The following GRM3 variants were observed in gnomAD, a reference collection of about 807,000 sequenced individuals.
GRM3 encodes metabotropic glutamate receptor 3.
In GRM3, 26 loss-of-function variants were observed where a neutral mutation model predicts 70.5. The ratio of observed to expected loss-of-function variants is 0.37; its 90% CI spans 0.27 to 0.51. The LOEUF is 0.51. Among genes scored for constraint, GRM3 ranks in the 20% least tolerant of loss-of-function variants. The probability of loss-of-function intolerance (pLI) is 0.93; values close to 1 mark genes in which losing one functional copy is unlikely to be tolerated. For synonymous variants in GRM3, 443 were observed against 434.9 expected, an observed-to-expected ratio of 1.02 and a Z score of -0.23; for missense variants, 859 against 1,123.8, an observed-to-expected ratio of 0.76 and a Z score of 3.37.
At chr7:86,756,118 C>A (rs762627305) in intron 1 of GRM3, among the ~76,000 whole-genome samples, 19 of 151,938 alleles carry the variant, frequency 1.3e-4, no homozygotes, top group Non-Finnish European at 1.9e-4. Context: ...ACTTCTGTGC[C>A]CCCAGACTGG....
intron 5 of GRM3, among the ~76,000 whole-genome samples, chr7:86,855,892 C>T (rs551539027): frequency 7.5e-4 from 114 of 152,284 alleles, no homozygotes; most frequent in Non-Finnish European, 1.2e-3. Flanking sequence ...AAAACAGCAT[C>T]ATGTGCCTGT....
At position 86,786,482 on chromosome 7, in the gene GRM3, C is replaced by T. The variant is rs1797249064; in HGVS notation, c.690C>T (p.Phe230=). ...ACGGGGAGACAGGGATCGAGGCCTTCGAGCAGGAAGCCCGCCTGCGCAACA... is the reference window on the plus strand; with the variant it reads ...ACGGGGAGACAGGGATCGAGGCCTTTGAGCAGGAAGCCCGCCTGCGCAACA... ...GDYGETGIEA[F]EQEARLRNIC... is the part of the protein sequence containing the mutation. Residue 230 remains phenylalanine, a synonymous_variant, in exon 3 of 6, where the codon TTC becomes TTT. Coordinates refer to ENST00000361669, the MANE Select transcript of GRM3 (RefSeq NM_000840.3). The surrounding 1 kb of genome is among the most constrained non-coding windows in gnomAD (Gnocchi z 6.0). 6.2e-7 allele frequency: 1 copy of T among 1,614,238 alleles called. No homozygotes were observed. The highest frequency in any genetic ancestry group is 8.5e-7 in the Non-Finnish European group (1 of 1,180,050).
At chr7:86,852,935 T>C (rs555284253) in intron 5 of GRM3, among the ~76,000 whole-genome samples, 1 of 152,270 alleles carries the variant, frequency 6.6e-6, no homozygotes, top group African/African-American at 2.4e-5. Context: ...TTTCCTGACT[T>C]TCAATTAAAA....
At chr7:86,697,575 T>A (rs563018461) in intron 1 of GRM3, among the ~76,000 whole-genome samples, 1 of 152,258 alleles carries the variant, frequency 6.6e-6, no homozygotes, top group East Asian at 1.9e-4. Context: ...TTCCTAAAAG[T>A]GTAAGTTTAG....
intron 2 of GRM3, among the ~76,000 whole-genome samples, chr7:86,772,769 A>G (rs981683556): frequency 6.6e-6 from 1 of 152,156 alleles, no homozygotes; most frequent in African/African-American, 2.4e-5. Context: ...TCACTACTCT[A>G]TCACCAGTAT....
At chr7:86,702,724 T>C (rs1794970796) in intron 1 of GRM3, among the ~76,000 whole-genome samples, 1 of 151,970 alleles carries the variant, frequency 6.6e-6, no homozygotes, top group South Asian at 2.1e-4. Flanking sequence ...TTTCTTTTTG[T>C]TGTTTATAAC....
chr7:86,760,416 G>A (rs1424811244), intron 1 of GRM3, among the ~76,000 whole-genome samples: 3 of 152,064 alleles, frequency 2.0e-5, no homozygotes, highest in Non-Finnish European at 4.4e-5. Context: ...TACAGTTGAC[G>A]CATCACTCAT....
At chr7:86,781,532 C>T (rs1177691178) in intron 2 of GRM3, among the ~76,000 whole-genome samples, 1 of 152,114 alleles carries the variant, frequency 6.6e-6, no homozygotes, top group Non-Finnish European at 1.5e-5. Context: ...TATAATATCA[C>T]CTTGTTTCCT....
At chr7:86,827,822 G>T (rs1798269082) in intron 3 of GRM3, among the ~76,000 whole-genome samples, 1 of 152,028 alleles carries the variant, frequency 6.6e-6, no homozygotes, top group Admixed American at 6.5e-5. Flanking sequence ...TTAAAAGAGA[G>T]AAAAATCCAG....
At chr7:86,775,039 T>C (rs558849460) in intron 2 of GRM3, 12 of 152,218 alleles carry the variant, frequency 7.9e-5, no homozygotes, top group African/African-American at 2.9e-4. Flanking sequence ...TAAAATTAAA[T>C]TAAAAAGTAA....
chr7:86,653,822 T>C (rs942739354), intron 1 of GRM3, among the ~76,000 whole-genome samples: 3 of 152,136 alleles, frequency 2.0e-5, no homozygotes, highest in Non-Finnish European at 4.4e-5. Flanking sequence ...ATTAGAAAGA[T>C]AAGTTACTAG....
At position 86,839,812 on chromosome 7, in the gene GRM3, C is replaced by T. The variant is rs61996297; in HGVS notation, c.2298C>T (p.Asn766=). ...FKTRKCPENF[N]EAKFIGFTMY... ...CGCGGAAGTGCCCAGAAAATTTCAA[C>T]GAAGCTAAGTTCATAGGTTTTACCA... The change falls in exon 4 of 6, where the codon AAC becomes AAT. Residue 766 remains asparagine (N), a synonymous_variant. Transcript: ENST00000361669. The surrounding 1 kb of genome is among the most constrained non-coding windows in gnomAD (Gnocchi z 4.5). The T allele has an allele frequency of 6.6e-5, 107 of 1,614,012 alleles. No individual in the cohort carries two copies. In the African/African-American group the frequency reaches 9.7e-4, roughly 15 times the overall value.
chr7:86,709,731 A>C (rs552320444), intron 1 of GRM3, among the ~76,000 whole-genome samples: 74 of 152,222 alleles, frequency 4.9e-4, no homozygotes, highest in Middle Eastern at 6.8e-3. Context: ...AAAGTTCTAT[A>C]AATTGTACAG....
At chr7:86,815,905 G>A (rs1159072795) in intron 3 of GRM3, among the ~76,000 whole-genome samples, 2 of 152,054 alleles carry the variant, frequency 1.3e-5, no homozygotes. Context: ...ATGATTCAGT[G>A]TAGTAGAAAG....
At chr7:86,714,532 A>C (rs921247258) in intron 1 of GRM3, among the ~76,000 whole-genome samples, 1 of 152,038 alleles carries the variant, frequency 6.6e-6, no homozygotes, top group African/African-American at 2.4e-5. Flanking sequence ...GCCAGGACTT[A>C]AACCCATAAA....
intron 1 of GRM3, among the ~76,000 whole-genome samples, chr7:86,688,706 AATATG>A (rs1192487616): frequency 4.0e-5 from 6 of 149,266 alleles, no homozygotes; most frequent in East Asian, 3.9e-4. Flanking sequence ...ATATATGAGA[AATATG>A]ATATATATCT....
In GRM3 at chr7:86,786,506, C is replaced by T. The variant is rs1188122116; in HGVS notation, c.714C>T (p.Asn238=). ...TCGAGCAGGAAGCCCGCCTGCGCAA[C>T]ATCTGCATCGCTACGGCGGAGAAGG... ...EAFEQEARLR[N]ICIATAEKVG... Residue 238 remains asparagine, a synonymous_variant, in exon 3 of 6, where the codon AAC becomes AAT. Coordinates refer to ENST00000361669, the MANE Select transcript of GRM3 (RefSeq NM_000840.3). This position sits in a 1 kb window ranked among gnomAD's most constrained non-coding sequence, Gnocchi z 6.0. 6.2e-7 allele frequency: 1 copy of T among 1,614,226 alleles called. No homozygotes were observed. Among genetic ancestry groups the T allele is most frequent in the South Asian group, 1.1e-5 (1 of 91,090 alleles).
intron 1 of GRM3, among the ~76,000 whole-genome samples, chr7:86,733,397 T>C (rs563666818): frequency 5.3e-5 from 8 of 152,018 alleles, no homozygotes; most frequent in Non-Finnish European, 8.8e-5. Flanking sequence ...GGGCTGAGCT[T>C]AGACTCAGAA....
intron 1 of GRM3, among the ~76,000 whole-genome samples, chr7:86,662,396 A>C (rs914122417): frequency 1.8e-4 from 28 of 152,016 alleles, no homozygotes; most frequent in African/African-American, 6.5e-4. Context: ...TAATGGAAGA[A>C]GGAATGAAGG....
Sources: gnomAD v4.1 joint callset for allele counts (sites outside exome capture counted in the v4.1 genomes callset) on GRCh38, gnomAD v4.1.1 for gene constraint, Gnocchi (gnomAD v3.1) non-coding constraint, MANE v1.5 for transcripts, NCBI Gene and HGNC (gene_info 2026-07-23, HGNC 2026-07-21) for gene names.